The following TARBP1 variants were observed in gnomAD, a reference collection of about 807,000 sequenced individuals.
TARBP1 encodes the protein tRNA (guanosine(18)-2'-O)-methyltransferase TARBP1.
TARBP1 carries 144 observed loss-of-function variants against 178.6 expected under a neutral mutation model. That is an observed-to-expected ratio of 0.81 (90% CI 0.70 to 0.93). TARBP1 has a LOEUF of 0.93. Ranked by LOEUF, TARBP1 falls within the 40% of genes least tolerant of loss-of-function variation. The pLI, the probability that TARBP1 is intolerant of heterozygous loss-of-function variation, is 0.00. For synonymous variants in TARBP1, 787 were observed against 781.0 expected (o/e 1.01, Z -0.13); for missense variants, 2,067 against 2,011.7 (o/e 1.03, Z -0.53).
chr1:234,451,650 G>A lies in TARBP1; in HGVS notation c.1723-1084C>T, dbSNP rs567033439. ...TGTAGTCCCAGCTACTTGGGAGGCTGAGGCAGGAGAATGGCGTGAACCCGG... is the reference window on the plus strand; with the variant it reads ...TGTAGTCCCAGCTACTTGGGAGGCTAAGGCAGGAGAATGGCGTGAACCCGG... On this transcript the variant is annotated intron_variant, in intron 9 of 29. Transcript: ENST00000040877. Among the ~76,000 whole-genome samples the A allele has an allele frequency of 8.1e-5, 6 of 73,672 alleles. 1 individual carries two copies. In the East Asian group the frequency reaches 2.4e-3, roughly 29 times the overall value. 48.3% of individuals were successfully genotyped at this position (73,672 alleles called of 152,430 possible).
At position 234,470,534 on chromosome 1, in the gene TARBP1, G is replaced by A. The variant is rs191957787; in HGVS notation, c.1099+654C>T. Reference sequence around the variant, plus strand: ...CACACACTCTTCTCATTCTATAAATGTTTGAAATTCTCCATCATCAACGGT... The same window carrying A: ...CACACACTCTTCTCATTCTATAAATATTTGAAATTCTCCATCATCAACGGT... On this transcript the variant is annotated intron_variant, in intron 3 of 29. Transcript: ENST00000040877. 3.7e-4 allele frequency among the ~76,000 whole-genome samples: 55 copies of A among 149,758 alleles called. No individual in the cohort carries two copies. In the East Asian group the frequency reaches 9.5e-3, roughly 26 times the overall value.
chr1:234,474,260 AC>A (rs1281757751), intron 1 of TARBP1, among the ~76,000 whole-genome samples: 2 of 150,162 alleles, frequency 1.3e-5, no homozygotes, highest in Non-Finnish European at 3.0e-5. Flanking sequence ...ACACACACAC[AC>A]ACACACACAC....
At chr1:234,463,997 C>T (rs1668176418) in intron 5 of TARBP1, 63 bp from the exon 6 acceptor site, 1 of 1,116,626 alleles carries the variant, frequency 9.0e-7, no homozygotes, top group Non-Finnish European at 1.2e-6. Flanking sequence ...TACACTAAAA[C>T]TAGCCTAAAT....
intron 24 of TARBP1, chr1:234,405,210 AT>A (rs1248607248): frequency 1.3e-5 from 2 of 152,172 alleles, no homozygotes; most frequent in Non-Finnish European, 2.9e-5. Flanking sequence ...TGTCTCTAAA[AT>A]TTAAAAAAAA....
intron 27 of TARBP1, 73 bp downstream of exon 27, chr1:234,393,573 G>C (rs1212217270): frequency 1.9e-6 from 3 of 1,577,604 alleles, no homozygotes; most frequent in Admixed American, 3.7e-5. Flanking sequence ...AAGCTCCCGT[G>C]GCAGTGGATT....
At position 234,430,103 on chromosome 1, in the gene TARBP1, G is replaced by T. The variant is rs547836362; in HGVS notation, c.2593C>A (p.Pro865Thr). The change falls in exon 15 of 30, where the codon CCC becomes ACC. Residue 865 changes from proline (P) to threonine (T), a missense_variant. Coordinates refer to ENST00000040877, the MANE Select transcript of TARBP1 (RefSeq NM_005646.4). ...TCCCTGTACCTGCTGCACTCCAAGG[G>T]GTGAGCATAACTGCTCTGCTCCTCT... Reference protein sequence around the residue: ...HAEEQSSYAHPLECSSVLEES... With the variant: ...HAEEQSSYAHTLECSSVLEES... The T allele has an allele frequency of 2.5e-6, 4 of 1,612,938 alleles. No individual in the cohort carries two copies. In the South Asian group the frequency reaches 4.4e-5, roughly 18 times the overall value.
chr1:234,425,733 A>C lies in TARBP1; in HGVS notation c.3384T>G (p.Asp1128Glu). 6.2e-7 allele frequency: 1 copy of C among 1,610,786 alleles called. No homozygotes were observed. Among genetic ancestry groups the C allele is most frequent in the Non-Finnish European group, 8.5e-7 (1 of 1,177,382 alleles). ...ACAACTTGTGGGACATATTGGAGCCATCTAATAAACACAGGAATTTGACAG... is the reference window on the plus strand; with the variant it reads ...ACAACTTGTGGGACATATTGGAGCCCTCTAATAAACACAGGAATTTGACAG... ...ICAVKFLCLL[D>E]GSNMSHKLFI... The change falls in exon 20 of 30, where the codon GAT becomes GAG. Residue 1128 changes from aspartate (D) to glutamate (E), a missense_variant. Physicochemically the swap from Asp to Glu is conservative, Grantham distance 45 (BLOSUM62 2). Transcript: ENST00000040877.
At chr1:234,472,415 ATGGCAAT>A (rs1477481633) in intron 2 of TARBP1, among the ~76,000 whole-genome samples, 3 of 150,400 alleles carry the variant, frequency 2.0e-5, no homozygotes, top group African/African-American at 7.3e-5. Flanking sequence ...AGGACAGGGC[ATGGCAAT>A]TTATACTTTA....
At chr1:234,450,655 C>G (rs1389201803) in intron 9 of TARBP1, 89 bp from the exon 10 acceptor site, 15 of 1,373,968 alleles carry the variant, frequency 1.1e-5, no homozygotes, top group Non-Finnish European at 1.5e-5. Context: ...CTTTCTTTCA[C>G]GATAAACCAA....
chr1:234,470,606 T>G (rs1668944310), intron 3 of TARBP1, among the ~76,000 whole-genome samples: 1 of 151,320 alleles, frequency 6.6e-6, no homozygotes, highest in South Asian at 2.1e-4. Flanking sequence ...TCTGTGGCTA[T>G]TTTAAATTGT....
intron 19 of TARBP1, 140 bp from the exon 20 acceptor site, chr1:234,425,933 T>C: frequency 1.6e-6 from 1 of 626,918 alleles, no homozygotes; most frequent in Non-Finnish European, 2.7e-6. Context: ...TTAATGACAA[T>C]ACTTTTTAAT....
At position 234,478,753 on chromosome 1, in the gene TARBP1, C is replaced by T; in HGVS notation, c.351G>A (p.Ala117=). The change falls in exon 1 of 30, where the codon GCG becomes GCA. Residue 117 remains alanine (A), a synonymous_variant. Coordinates refer to ENST00000040877, the MANE Select transcript of TARBP1 (RefSeq NM_005646.4). The part of the protein sequence containing the change: ...CVRLAGRPQL[A]AALAEEALRD... ...GCAGCGCCTCCTCAGCCAGCGCGGC[C>T]GCCAGCTGCGGACGCCCGGCCAGGC... 8.6e-7 allele frequency: 1 copy of T among 1,160,284 alleles called. No individual in the cohort carries two copies. The highest frequency in any genetic ancestry group is 4.3e-5 in the East Asian group (1 of 23,340). The allele number at this position is 1,160,284 out of a possible 1,614,324, so 71.9% of individuals were successfully genotyped here.
chr1:234,462,958 A>G (rs1044241006), intron 6 of TARBP1, among the ~76,000 whole-genome samples: 2 of 152,234 alleles, frequency 1.3e-5, no homozygotes, highest in Middle Eastern at 3.2e-3. Context: ...TGGGAGTAAC[A>G]CAAGGACTCA....
intron 26 of TARBP1, among the ~76,000 whole-genome samples, chr1:234,396,279 C>T (rs547104078): frequency 6.6e-6 from 1 of 152,302 alleles, no homozygotes; most frequent in East Asian, 1.9e-4. Context: ...CCTCTCCTCC[C>T]AGGCTCTACC....
chr1:234,436,031 ATTAAT>A (rs1219365854), intron 13 of TARBP1, among the ~76,000 whole-genome samples: 1 of 152,224 alleles, frequency 6.6e-6, no homozygotes, highest in Non-Finnish European at 1.5e-5. Flanking sequence ...GAGAATTCTA[ATTAAT>A]TTATTAAAGA....
intron 9 of TARBP1, among the ~76,000 whole-genome samples, chr1:234,453,884 T>A (rs1190162553): frequency 6.6e-6 from 1 of 152,128 alleles, no homozygotes; most frequent in African/African-American, 2.4e-5. Flanking sequence ...CTGTGGGAGA[T>A]GTGCAATACA....
In TARBP1 at chr1:234,450,579, A is replaced by G. The variant is rs769819294; in HGVS notation, c.1723-13T>C. On this transcript the variant is annotated splice_polypyrimidine_tract_variant and intron_variant, in intron 9 of 29. Coordinates refer to ENST00000040877, the MANE Select transcript of TARBP1 (RefSeq NM_005646.4). ...GCCAGTCACACAGCTGGAAAAGAAAACAGTTATTACTTTATTTTAAAAACC... is the reference window on the plus strand; with the variant it reads ...GCCAGTCACACAGCTGGAAAAGAAAGCAGTTATTACTTTATTTTAAAAACC... The G allele has an allele frequency of 2.5e-6, 4 of 1,603,900 alleles. No individual in the cohort carries two copies. The Admixed American group carries it at 7.0e-5, about 28-fold the overall frequency.
chr1:234,468,571 TTC>T (rs548329684), intron 3 of TARBP1, among the ~76,000 whole-genome samples: 101 of 152,312 alleles, frequency 6.6e-4, no homozygotes, highest in African/African-American at 2.1e-3. Flanking sequence ...TTGGAATAGT[TTC>T]AACCAATTCT....
intron 14 of TARBP1, 88 bp from the exon 15 acceptor site, chr1:234,430,389 G>T (rs868350138): frequency 6.6e-6 from 8 of 1,221,174 alleles, no homozygotes; most frequent in Middle Eastern, 3.9e-4. Flanking sequence ...GAAAGCTCAA[G>T]CTCTCCTTTT....
Sources: allele counts gnomAD v4.1 joint callset (sites outside exome capture counted in the v4.1 genomes callset), GRCh38; gene constraint gnomAD v4.1.1; transcripts MANE v1.5; gene names NCBI Gene and HGNC (gene_info 2026-07-23, HGNC 2026-07-21).